The following DLG2 variants were observed in gnomAD, a reference collection of about 807,000 sequenced individuals.
The protein encoded by DLG2 is discs large MAGUK scaffold protein 2, also known as disks large homolog 2.
A neutral mutation model predicts 132.5 loss-of-function variants in DLG2; 45 were observed. The observed-to-expected ratio is 0.34, with a 90% CI of 0.27 to 0.44. The LOEUF (loss-of-function observed/expected upper bound fraction) is 0.44. DLG2 is among the 20% of genes least tolerant of loss of function. The pLI, the probability that DLG2 is intolerant of heterozygous loss-of-function variation, is 1.00. For missense variants in DLG2, 1,045 were observed against 1,196.9 expected, an observed-to-expected ratio of 0.87 and a Z score of 1.87; for synonymous variants, 424 against 419.6, an observed-to-expected ratio of 1.01 and a Z score of -0.13.
chr11:83,581,750 G>C (rs2096980309), intron 19 of DLG2, among the ~76,000 whole-genome samples: 1 of 151,988 alleles, frequency 6.6e-6, no homozygotes, highest in Admixed American at 6.6e-5. Context: ...GCATTAATCA[G>C]AGCTAAAGGA....
At chr11:85,598,852 C>T in intron 2 of DLG2, 64 bp from the exon 3 acceptor site, 3 of 448,536 alleles carry the variant, frequency 6.7e-6, no homozygotes, top group South Asian at 1.4e-4. Context: ...TAACATTAAA[C>T]TATTCTATAA....
Position 83,795,486 on chromosome 11 carries a change from A to G in DLG2, c.1723-8694T>C, listed in dbSNP as rs184882743. 2.6e-4 allele frequency among the ~76,000 whole-genome samples: 39 copies of G among 151,376 alleles called. 1 individual carries two copies. The highest frequency in any genetic ancestry group is 9.2e-4 in the African/African-American group (38 of 41,384). ...ATCTATTTGGGTAAGTTCCTTAATC[A>G]TACACATATATATTCCATATGTTTT... On this transcript the variant is annotated intron_variant, in intron 17 of 27. Coordinates refer to ENST00000376104, the MANE Select transcript of DLG2 (RefSeq NM_001142699.3).
At chr11:84,620,005 A>T (rs1325589061) in intron 6 of DLG2, among the ~76,000 whole-genome samples, 1 of 151,734 alleles carries the variant, frequency 6.6e-6, no homozygotes, top group East Asian at 1.9e-4. Context: ...CCTGAAGAAA[A>T]ATAAAATGGA....
intron 9 of DLG2, among the ~76,000 whole-genome samples, chr11:84,116,287 G>A (rs2093629962): frequency 6.6e-6 from 1 of 152,160 alleles, no homozygotes. Flanking sequence ...ATACTGTTTA[G>A]CACATAAAAG....
At chr11:84,303,985 G>GA (rs1233548689) in intron 7 of DLG2, among the ~76,000 whole-genome samples, 8 of 152,148 alleles carry the variant, frequency 5.3e-5, no homozygotes, top group African/African-American at 1.9e-4. Context: ...AAGCACTAGG[G>GA]AAACAGGTAA....
At chr11:85,412,760 C>CACACACACAT (rs756868795) in intron 3 of DLG2, among the ~76,000 whole-genome samples, 252 of 113,228 alleles carry the variant, frequency 2.2e-3, no homozygotes, top group African/African-American at 4.7e-3. Context: ...CACACACACA[C>CACACACACAT]ATATATATAT....
At chr11:84,779,093 C>T (rs1450153205) in intron 6 of DLG2, among the ~76,000 whole-genome samples, 1 of 152,058 alleles carries the variant, frequency 6.6e-6, no homozygotes, top group East Asian at 1.9e-4. Flanking sequence ...TACTGGCTTC[C>T]TTGCCCCTCA....
intron 8 of DLG2, among the ~76,000 whole-genome samples, chr11:84,226,952 G>A (rs1244312138): frequency 6.6e-6 from 1 of 151,992 alleles, no homozygotes. Context: ...TGGGTGTGGT[G>A]GTGGGCGCCT....
intron 6 of DLG2, among the ~76,000 whole-genome samples, chr11:84,539,748 A>G (rs1469658179): frequency 1.3e-5 from 2 of 152,196 alleles, no homozygotes; most frequent in East Asian, 3.9e-4. Context: ...CACATTGCCA[A>G]GACAATCCTA....
intron 15 of DLG2, among the ~76,000 whole-genome samples, chr11:83,906,079 CTCTA>C (rs1312364508): frequency 0.037 from 3,483 of 94,024 alleles, 36 homozygotes; most frequent in South Asian, 0.092. Context: ...CTCTCTCTCT[CTCTA>C]TATATATATA....
intron 7 of DLG2, among the ~76,000 whole-genome samples, chr11:84,485,637 C>G (rs1026554635): frequency 2.0e-5 from 3 of 152,084 alleles, no homozygotes; most frequent in African/African-American, 7.2e-5. Flanking sequence ...TTTTTCGGTG[C>G]CATCTGGTTC....
chr11:84,479,399 T>A (rs1383067002), intron 7 of DLG2, among the ~76,000 whole-genome samples: 1 of 152,110 alleles, frequency 6.6e-6, no homozygotes, highest in Non-Finnish European at 1.5e-5. Context: ...CTTTCCTTTA[T>A]TCCATCTTAC....
At chr11:84,015,654 T>A (rs983491214) in intron 11 of DLG2, among the ~76,000 whole-genome samples, 3 of 152,100 alleles carry the variant, frequency 2.0e-5, no homozygotes, top group Admixed American at 2.0e-4. Flanking sequence ...TCTGTTCTTG[T>A]GTTAGTTTGC....
intron 3 of DLG2, among the ~76,000 whole-genome samples, chr11:85,516,872 T>C (rs2094179889): frequency 6.6e-6 from 1 of 152,014 alleles, no homozygotes; most frequent in Non-Finnish European, 1.5e-5. Flanking sequence ...TCAGTCCTAC[T>C]GAAACTGTTC....
intron 24 of DLG2, 52 bp downstream of exon 24, chr11:83,471,574 A>T: frequency 3.7e-6 from 5 of 1,349,102 alleles, no homozygotes; most frequent in Non-Finnish European, 5.3e-6. Flanking sequence ...CATCTCATAA[A>T]GAAATCCAAG....
intron 6 of DLG2, among the ~76,000 whole-genome samples, chr11:84,671,752 A>C (rs746925529): frequency 5.9e-5 from 9 of 152,148 alleles, no homozygotes; most frequent in Non-Finnish European, 1.2e-4. Context: ...CTCTTGGTTT[A>C]ATCTTGGCTT....
chr11:85,336,984 T>G (rs2082177097), intron 3 of DLG2, among the ~76,000 whole-genome samples: 1 of 152,164 alleles, frequency 6.6e-6, no homozygotes, highest in Non-Finnish European at 1.5e-5. Context: ...TTTCCTAGTT[T>G]GACACAAAAA....
chr11:83,584,577 G>A (rs542064617), intron 19 of DLG2, among the ~76,000 whole-genome samples: 2 of 152,330 alleles, frequency 1.3e-5, no homozygotes, highest in African/African-American at 2.4e-5. Context: ...TGAGGATTGT[G>A]TGATGAATAA....
At chr11:84,644,463 T>C (rs571905924) in intron 6 of DLG2, among the ~76,000 whole-genome samples, 39 of 152,112 alleles carry the variant, frequency 2.6e-4, no homozygotes, top group African/African-American at 8.7e-4. Context: ...TCCCAGCACT[T>C]TAGGGGACAG....
Sources: gnomAD v4.1 joint callset for allele counts (sites outside exome capture counted in the v4.1 genomes callset) on GRCh38, gnomAD v4.1.1 for gene constraint, MANE v1.5 for transcripts, NCBI Gene and HGNC (gene_info 2026-07-23, HGNC 2026-07-21) for gene names.